Variants in GSS observed in about 807,000 individuals in gnomAD.
The protein encoded by GSS is glutathione synthetase.
A neutral mutation model predicts 60.4 loss-of-function variants in GSS; 34 were observed. The ratio of observed to expected loss-of-function variants is 0.56; its 90% CI spans 0.43 to 0.75. The LOEUF is 0.75. Ranked by LOEUF, GSS falls within the 30% of genes least tolerant of loss-of-function variation. GSS has a pLI of 0.00. For synonymous variants in GSS, 224 were observed against 239.0 expected, an observed-to-expected ratio of 0.94 and a Z score of 0.58; for missense variants, 499 against 595.1, an observed-to-expected ratio of 0.84 and a Z score of 1.68.
rs2147125410 is a variant in GSS at position 34,936,655 on chromosome 20, A to G, written c.767+108T>C. On this transcript the variant is annotated intron_variant, in intron 8 of 12. Transcript: ENST00000651619. ...TGAGATATTTCAGGAATTATGAGAGAAGGAAGCAAGCCATCACATCTCCCA... is the reference window on the plus strand; with the variant it reads ...TGAGATATTTCAGGAATTATGAGAGGAGGAAGCAAGCCATCACATCTCCCA... The G allele has an allele frequency of 7.8e-6, 7 of 899,068 alleles. No individual in the cohort carries two copies. In the South Asian group the frequency reaches 9.1e-5, roughly 12 times the overall value. 55.7% of individuals were successfully genotyped at this position (899,068 alleles called of 1,614,324 possible).
chr20:34,951,933 GC>G (rs1207005667), intron 1 of GSS, 73 bp from the exon 2 acceptor site: 46 of 1,533,080 alleles, frequency 3.0e-5, no homozygotes, highest in Non-Finnish European at 3.9e-5. Flanking sequence ...CTGGCTGGCG[GC>G]CACCCCCAAC....
chr20:34,934,253 G>C (rs897700513), intron 9 of GSS: 1 of 148,536 alleles, frequency 6.7e-6, no homozygotes, highest in African/African-American at 2.5e-5. Flanking sequence ...AGTTTTCTTT[G>C]TCGTGTTTTG....
rs181923708 is a variant in GSS at position 34,938,599 on chromosome 20, T to C, written c.609-1576A>G. ...GAGGGTGTGTGTGGGAGGGAGGCAG[T>C]TGGCCCAGGCTGGCCCACCTCCAAA... On this transcript the variant is annotated intron_variant, in intron 6 of 12. Transcript: ENST00000651619. Among the ~76,000 whole-genome samples the C allele has an allele frequency of 3.6e-3, 542 of 152,104 alleles. 1 individual carries two copies. Among genetic ancestry groups the C allele is most frequent in the Non-Finnish European group, 5.6e-3 (383 of 67,988 alleles).
At chr20:34,937,056 T>A in intron 6 of GSS, 33 bp from the exon 7 acceptor site, 1 of 1,516,310 alleles carries the variant, frequency 6.6e-7, no homozygotes, top group Non-Finnish European at 9.2e-7. Context: ...CCGAGGCTAC[T>A]ATAGAACTTG....
Position 34,931,359 on chromosome 20 carries a change from A to T in GSS, c.1088T>A (p.Leu363Gln). The change falls in exon 11 of 13, where the codon CTA becomes CAA. Residue 363 changes from leucine (L) to glutamine (Q), a missense_variant. Transcript: ENST00000651619. Reference sequence around the variant, plus strand: ...ACCTCCACCCTCTCTCTGGGGCTTTAGCACAAACCGGCTAGGGGCAGCAAG... The same window carrying T: ...ACCTCCACCCTCTCTCTGGGGCTTTTGCACAAACCGGCTAGGGGCAGCAAG... ...EALAAPSRFV[L>Q]KPQREGGGNN... 2.5e-6 allele frequency: 4 copies of T among 1,614,136 alleles called. No individual in the cohort carries two copies. The highest frequency in any genetic ancestry group is 3.4e-6 in the Non-Finnish European group (4 of 1,179,958).
chr20:34,945,261 G>A (rs1040839237), intron 3 of GSS, among the ~76,000 whole-genome samples: 1 of 151,586 alleles, frequency 6.6e-6, no homozygotes, highest in Admixed American at 6.6e-5. Flanking sequence ...GACCTTAAGT[G>A]ATCCACCCAC....
intron 6 of GSS, 40 bp from the exon 7 acceptor site, chr20:34,937,063 C>T (rs528881109): frequency 9.5e-6 from 14 of 1,470,474 alleles, no homozygotes; most frequent in Middle Eastern, 2.2e-4. Flanking sequence ...TACTATAGAA[C>T]TTGTTCTTCT....
chr20:34,952,618 T>C (rs2081578431), intron 1 of GSS: 1 of 152,738 alleles, frequency 6.5e-6, no homozygotes, highest in Admixed American at 6.5e-5. Flanking sequence ...TGTATTTTAG[T>C]AGAGACGGGG....
At chr20:34,943,526 G>A (rs773505849) in intron 3 of GSS, among the ~76,000 whole-genome samples, 10 of 152,106 alleles carry the variant, frequency 6.6e-5, no homozygotes, top group Admixed American at 2.6e-4. Context: ...GAAGACAGCA[G>A]TTATGCCCTG....
chr20:34,944,847 TAG>T (rs1298036451), intron 3 of GSS, among the ~76,000 whole-genome samples: 3 of 152,144 alleles, frequency 2.0e-5, no homozygotes, highest in Non-Finnish European at 4.4e-5. Flanking sequence ...TTTCCACTGG[TAG>T]AGTCATGTGG....
At chr20:34,947,605 C>T (rs1157760524) in intron 2 of GSS, among the ~76,000 whole-genome samples, 3 of 152,124 alleles carry the variant, frequency 2.0e-5, no homozygotes, top group Admixed American at 1.3e-4. Flanking sequence ...TATGTATACA[C>T]ATATATTTTC....
intron 11 of GSS, 21 bp downstream of exon 11, chr20:34,931,315 T>C (rs1036572520): frequency 6.3e-7 from 1 of 1,593,482 alleles, no homozygotes; most frequent in Non-Finnish European, 8.6e-7. Flanking sequence ...TGAGGAGCCC[T>C]GCAAAGGGAG....
At chr20:34,942,745 C>A in intron 4 of GSS, 118 bp from the exon 5 acceptor site, 1 of 1,091,636 alleles carries the variant, frequency 9.2e-7, no homozygotes, top group East Asian at 2.4e-5. Flanking sequence ...AGCAAACACT[C>A]CCAAGCCCAG....
chr20:34,952,267 T>G, intron 1 of GSS: 2 of 283,176 alleles, frequency 7.1e-6, no homozygotes, highest in South Asian at 7.2e-5. Context: ...GCAAGTTCCT[T>G]CCCTTCCCAG....
chr20:34,936,819 T>C lies in GSS; in HGVS notation c.711A>G (p.Arg237=). 6.2e-7 allele frequency: 1 copy of C among 1,614,146 alleles called. No homozygotes were observed. The highest frequency in any genetic ancestry group is 8.5e-7 in the Non-Finnish European group (1 of 1,179,996). The part of the protein sequence containing the change: ...LLARNIHVIR[R]TFEDISEKGS... ...CCTTTTCAGAGATATCTTCAAATGT[T>C]CGTCGGATCACATGGATGTTCCTGG... is the stretch of plus-strand genomic sequence containing the variant. Residue 237 remains arginine, a synonymous_variant, in exon 8 of 13, where the codon CGA becomes CGG. Transcript: ENST00000651619.
At chr20:34,941,025 A>T (rs921326920) in intron 6 of GSS, among the ~76,000 whole-genome samples, 6 of 152,170 alleles carry the variant, frequency 3.9e-5, no homozygotes, top group African/African-American at 1.4e-4. Context: ...CAAAAGTAAG[A>T]GCTGAGAATT....
In GSS at chr20:34,946,598, G is replaced by T. The variant is rs545884775; in HGVS notation, c.130-500C>A. 431 of 154,014 alleles carry T rather than the reference G, an allele frequency of 2.8e-3. 3 individuals are homozygous for T. The highest frequency in any genetic ancestry group is 4.7e-3 in the Admixed American group (74 of 15,736). 9.5% of individuals were successfully genotyped at this position (154,014 alleles called of 1,614,324 possible). A position where few individuals can be genotyped will look rare whatever the true frequency, so the allele number is the denominator to read the frequency against. On this transcript the variant is annotated intron_variant, in intron 2 of 12. Transcript: ENST00000651619. ...GGGTGCTGGGATTTGAACCAGGATGGTTACTAAACACAACACACACATACA... is the reference window on the plus strand; with the variant it reads ...GGGTGCTGGGATTTGAACCAGGATGTTTACTAAACACAACACACACATACA...
rs574037032 is a variant in GSS, at chr20:34,942,722, G to C, written c.352-95C>G. The C allele has an allele frequency of 3.2e-6, 4 of 1,260,648 alleles. No individual in the cohort carries two copies. In the African/African-American group the frequency reaches 5.8e-5, roughly 18 times the overall value. 78.1% of individuals were successfully genotyped at this position (1,260,648 alleles called of 1,614,324 possible). ...ACAGGTACCATGAACTCTACACAGA[G>C]ATTAGAGGTACCAGCAAACACTCCC... is the stretch of plus-strand genomic sequence containing the variant. On this transcript the variant is annotated intron_variant, in intron 4 of 12. Coordinates refer to ENST00000651619, the MANE Select transcript of GSS (RefSeq NM_000178.4).
At chr20:34,945,348 TAAAG>T (rs1313340473) in intron 3 of GSS, among the ~76,000 whole-genome samples, 2 of 125,414 alleles carry the variant, frequency 1.6e-5, no homozygotes, top group Admixed American at 1.5e-4. Context: ...CTAAAATAAA[TAAAG>T]AAATTTTAAG....
Sources: gnomAD v4.1 joint callset for allele counts (sites outside exome capture counted in the v4.1 genomes callset) on GRCh38, gnomAD v4.1.1 for gene constraint, MANE v1.5 for transcripts, NCBI Gene and HGNC (gene_info 2026-07-23, HGNC 2026-07-21) for gene names.